Variants in TMEM131 observed in about 807,000 individuals in gnomAD.
TMEM131 encodes the protein 2610524E03Rik.
In TMEM131, 66 loss-of-function variants were observed where a neutral mutation model predicts 211.6. That is an observed-to-expected ratio of 0.31 (90% CI 0.26 to 0.38). The LOEUF is 0.38. Ranked by LOEUF, TMEM131 falls within the 10% of genes least tolerant of loss-of-function variation. TMEM131 has a pLI of 1.00. For missense variants in TMEM131, 2,036 were observed against 2,299.3 expected (o/e 0.89, Z 2.34); for synonymous variants, 844 against 841.3 (o/e 1.00, Z -0.06).
intron 4 of TMEM131, among the ~76,000 whole-genome samples, chr2:97,869,857 A>G (rs755621569): frequency 6.6e-6 from 1 of 152,232 alleles, no homozygotes; most frequent in Non-Finnish European, 1.5e-5. Flanking sequence ...CCCGTTCATT[A>G]TCTTACAATT....
chr2:97,865,736 A>G (rs1339787647), intron 4 of TMEM131, among the ~76,000 whole-genome samples: 1 of 152,220 alleles, frequency 6.6e-6, no homozygotes, highest in Non-Finnish European at 1.5e-5. Context: ...TATTAGGGTA[A>G]TACAGATCTA....
intron 3 of TMEM131, among the ~76,000 whole-genome samples, chr2:97,894,466 T>C (rs970686655): frequency 8.0e-4 from 122 of 152,208 alleles, no homozygotes; most frequent in African/African-American, 2.9e-3. Flanking sequence ...ATAAATTACT[T>C]TGGGCAGTAT....
At chr2:97,943,045 GA>G (rs767704233) in intron 1 of TMEM131, among the ~76,000 whole-genome samples, 1 of 52,638 alleles carries the variant, frequency 1.9e-5, no homozygotes, top group Non-Finnish European at 4.4e-5. Flanking sequence ...AGAAAAGAAA[GA>G]AAGAAAGAAA....
At chr2:97,840,238 T>C (rs890133601) in intron 7 of TMEM131, among the ~76,000 whole-genome samples, 35 of 152,250 alleles carry the variant, frequency 2.3e-4, no homozygotes, top group Non-Finnish European at 4.1e-4. Context: ...TGTGCTGGGC[T>C]TGGTAACTCC....
chr2:97,988,740 T>TCAAAA (rs1285926662), intron 1 of TMEM131, among the ~76,000 whole-genome samples: 1 of 151,842 alleles, frequency 6.6e-6, no homozygotes, highest in Non-Finnish European at 1.5e-5. Flanking sequence ...CACACCACTA[T>TCAAAA]CAAAACAAAA....
intron 39 of TMEM131, 144 bp from the exon 40 acceptor site, chr2:97,759,197 G>C: frequency 1.0e-6 from 1 of 1,001,050 alleles, no homozygotes; most frequent in Non-Finnish European, 1.5e-6. Context: ...CAGCCCAGAG[G>C]AAGTAGGGGC....
At chr2:97,937,827 G>T (rs1201322563) in intron 1 of TMEM131, among the ~76,000 whole-genome samples, 2 of 152,156 alleles carry the variant, frequency 1.3e-5, no homozygotes, top group Non-Finnish European at 2.9e-5. Context: ...ACTAACAGCG[G>T]ATCTCTCTGC....
chr2:97,761,184 C>A (rs998616465), intron 36 of TMEM131: 5 of 342,414 alleles, frequency 1.5e-5, no homozygotes, highest in South Asian at 4.8e-5. Context: ...GCAGAGGCTT[C>A]GATCACACTT....
chr2:97,896,042 T>C (rs1164105631), intron 3 of TMEM131, among the ~76,000 whole-genome samples: 2 of 152,220 alleles, frequency 1.3e-5, no homozygotes, highest in Non-Finnish European at 2.9e-5. Context: ...TTTAAATGTG[T>C]CCCGGAGATT....
chr2:97,852,917 C>T (rs1673686423), intron 5 of TMEM131, among the ~76,000 whole-genome samples: 1 of 152,200 alleles, frequency 6.6e-6, no homozygotes, highest in Non-Finnish European at 1.5e-5. Context: ...TAAATCTATT[C>T]TACCTGTGCT....
chr2:97,901,703 C>T (rs116772320), intron 3 of TMEM131, among the ~76,000 whole-genome samples: 3 of 152,092 alleles, frequency 2.0e-5, no homozygotes, highest in Non-Finnish European at 4.4e-5. Flanking sequence ...ATTGCATGTT[C>T]TGACTTATAG....
rs1435772812 is a variant in TMEM131 at position 97,991,520 on chromosome 2, G to A, written c.187+3956C>T. Among the ~76,000 whole-genome samples, 3 of 152,154 alleles carry A rather than the reference G, an allele frequency of 2.0e-5. No individual in the cohort carries two copies. The South Asian group carries it at 6.2e-4, about 32-fold the overall frequency. ...TAAAAAACTGAAAACTGGAGGTGGC[G>A]CAAGATAATTCTGCCCTGGACACAT... On this transcript the variant is annotated intron_variant, in intron 1 of 40. Coordinates refer to ENST00000186436, the MANE Select transcript of TMEM131 (RefSeq NM_015348.2).
At chr2:97,765,481 T>C (rs1010974686) in intron 35 of TMEM131, among the ~76,000 whole-genome samples, 3 of 152,222 alleles carry the variant, frequency 2.0e-5, no homozygotes, top group African/African-American at 4.8e-5. Context: ...AGGACCTCTC[T>C]TGATCTCAAA....
At chr2:97,796,127 G>C in intron 28 of TMEM131, 91 bp downstream of exon 28, 1 of 708,178 alleles carries the variant, frequency 1.4e-6, no homozygotes, top group East Asian at 3.3e-5. Flanking sequence ...TGCATTTGTG[G>C]ATAAAGACCT....
intron 11 of TMEM131, among the ~76,000 whole-genome samples, chr2:97,825,221 G>A (rs1045078708): frequency 5.3e-5 from 8 of 152,202 alleles, no homozygotes; most frequent in Admixed American, 3.3e-4. Flanking sequence ...CCTTCAGTAT[G>A]TGGATGACTT....
intron 35 of TMEM131, chr2:97,765,076 T>A (rs1055224369): frequency 6.6e-6 from 1 of 152,190 alleles, no homozygotes; most frequent in Non-Finnish European, 1.5e-5. Context: ...CAGGGGGCGC[T>A]AGGAAGCAGA....
chr2:97,882,989 T>C (rs1344685577), intron 4 of TMEM131, among the ~76,000 whole-genome samples: 1 of 152,198 alleles, frequency 6.6e-6, no homozygotes, highest in Non-Finnish European at 1.5e-5. Context: ...AAATCTGAGA[T>C]CGGGGTGTCG....
intron 5 of TMEM131, 23 bp downstream of exon 5, chr2:97,859,281 T>C: frequency 6.4e-7 from 1 of 1,569,918 alleles, no homozygotes; most frequent in Non-Finnish European, 8.6e-7. Context: ...TCAGGAAAGA[T>C]CATGTATAGC....
chr2:97,858,594 T>C (rs1573469090), intron 5 of TMEM131, among the ~76,000 whole-genome samples: 1 of 152,194 alleles, frequency 6.6e-6, no homozygotes, highest in African/African-American at 2.4e-5. Context: ...CCTGACCCAC[T>C]GACAGGAGCC....
Sources: gnomAD v4.1 joint callset for allele counts (sites outside exome capture counted in the v4.1 genomes callset) on GRCh38, gnomAD v4.1.1 for gene constraint, MANE v1.5 for transcripts, NCBI Gene and HGNC (gene_info 2026-07-23, HGNC 2026-07-21) for gene names.